CDH12: variants seen among roughly 807,000 people sequenced by gnomAD.
CDH12 encodes cadherin-12.
CDH12 carries 41 observed loss-of-function variants against 74.1 expected under a neutral mutation model. The ratio of observed to expected loss-of-function variants is 0.55; its 90% CI spans 0.43 to 0.72. The LOEUF is 0.72. Among genes scored for constraint, CDH12 ranks in the 30% least tolerant of loss-of-function variants. The pLI is 0.00. For synonymous variants in CDH12, 399 were observed against 355.0 expected (o/e 1.12, Z -1.39); for missense variants, 945 against 977.2 (o/e 0.97, Z 0.44).
At chr5:22,289,115 G>T (rs1737277804) in intron 3 of CDH12, among the ~76,000 whole-genome samples, 1 of 152,078 alleles carries the variant, frequency 6.6e-6, no homozygotes, top group Non-Finnish European at 1.5e-5. Flanking sequence ...AAGGAATAAA[G>T]AAAGGGAAAA....
chr5:22,074,716 T>C (rs1742186440), intron 5 of CDH12, among the ~76,000 whole-genome samples: 1 of 152,004 alleles, frequency 6.6e-6, no homozygotes, highest in Non-Finnish European at 1.5e-5. Context: ...AAAATGCTCA[T>C]CATCACTGGC....
At chr5:22,365,569 A>G (rs1009161482) in intron 3 of CDH12, among the ~76,000 whole-genome samples, 2 of 152,216 alleles carry the variant, frequency 1.3e-5, no homozygotes, top group Non-Finnish European at 2.9e-5. Context: ...TGTGAGCAAA[A>G]TGGAATGAAA....
chr5:22,489,504 T>C (rs1267251954), intron 2 of CDH12, among the ~76,000 whole-genome samples: 3 of 152,094 alleles, frequency 2.0e-5, no homozygotes, highest in African/African-American at 7.2e-5. Flanking sequence ...ATCTTTCTAC[T>C]GTTGGCATGA....
chr5:22,716,652 C>A (rs1420302507), intron 1 of CDH12, among the ~76,000 whole-genome samples: 1 of 151,386 alleles, frequency 6.6e-6, no homozygotes, highest in African/African-American at 2.4e-5. Flanking sequence ...GTCTCAGGTC[C>A]TTCGGGAGGT....
intron 1 of CDH12, among the ~76,000 whole-genome samples, chr5:22,785,526 A>G (rs1485158187): frequency 1.3e-5 from 2 of 151,644 alleles, no homozygotes; most frequent in Non-Finnish European, 2.9e-5. Flanking sequence ...TTTTTGTTTT[A>G]TTTATTTATT....
chr5:22,801,007 C>A (rs1055744913), intron 1 of CDH12, among the ~76,000 whole-genome samples: 2 of 152,136 alleles, frequency 1.3e-5, no homozygotes, highest in East Asian at 1.9e-4. Flanking sequence ...CCATAAAAAA[C>A]CATGTGCTGC....
intron 6 of CDH12, among the ~76,000 whole-genome samples, chr5:21,864,166 C>T (rs1751204280): frequency 6.6e-6 from 1 of 151,098 alleles, no homozygotes; most frequent in African/African-American, 2.4e-5. Flanking sequence ...TAAGATGCTA[C>T]AAAGGAATGG....
At chr5:22,142,466 T>G (rs1746867433) in intron 4 of CDH12, 2 of 607,482 alleles carry the variant, frequency 3.3e-6, no homozygotes, top group Non-Finnish European at 6.4e-6. Flanking sequence ...ACTAGAAGGA[T>G]CTGTAGCTTT....
chr5:22,316,998 C>T (rs922374973), intron 3 of CDH12, among the ~76,000 whole-genome samples: 1 of 152,090 alleles, frequency 6.6e-6, no homozygotes, highest in African/African-American at 2.4e-5. Flanking sequence ...AAATGTACCA[C>T]TTTAAAGACA....
At chr5:22,834,720 T>C (rs1304236967) in intron 1 of CDH12, among the ~76,000 whole-genome samples, 1 of 152,162 alleles carries the variant, frequency 6.6e-6, no homozygotes, top group Admixed American at 6.6e-5. Context: ...CAACTATCTA[T>C]CATAACAAAT....
At chr5:22,107,262 G>C (rs1271020109) in intron 4 of CDH12, among the ~76,000 whole-genome samples, 2 of 151,472 alleles carry the variant, frequency 1.3e-5, no homozygotes, top group Non-Finnish European at 2.9e-5. Flanking sequence ...CCTCTGGAGA[G>C]CTGGGATTAT....
At chr5:22,329,022 C>G (rs191157150) in intron 3 of CDH12, among the ~76,000 whole-genome samples, 13 of 152,066 alleles carry the variant, frequency 8.5e-5, no homozygotes, top group African/African-American at 3.1e-4. Context: ...ATAAACAAGA[C>G]AAGAGAAGAG....
intron 2 of CDH12, among the ~76,000 whole-genome samples, chr5:22,405,855 A>G (rs1742917171): frequency 6.6e-6 from 1 of 152,172 alleles, no homozygotes; most frequent in Non-Finnish European, 1.5e-5. Flanking sequence ...TTCCTAATAT[A>G]AAATGGCATA....
intron 6 of CDH12, among the ~76,000 whole-genome samples, chr5:21,891,560 T>TACACACACACAC (rs1305461373): frequency 1.0e-4 from 7 of 68,968 alleles, no homozygotes; most frequent in East Asian, 3.3e-4. Flanking sequence ...TTCCTGTGAA[T>TACACACACACAC]ACACACACAC....
At chr5:21,858,492 T>C (rs1310310305) in intron 6 of CDH12, among the ~76,000 whole-genome samples, 1 of 151,960 alleles carries the variant, frequency 6.6e-6, no homozygotes, top group East Asian at 1.9e-4. Flanking sequence ...ACATATAATA[T>C]CTTATATGGT....
chr5:21,811,157 G>A (rs1020561669), intron 9 of CDH12, among the ~76,000 whole-genome samples: 8 of 151,986 alleles, frequency 5.3e-5, no homozygotes, highest in Admixed American at 5.3e-4. Context: ...ATATTGCCAA[G>A]TAACATCAAA....
chr5:21,878,638 A>C (rs1300794756), intron 6 of CDH12, among the ~76,000 whole-genome samples: 3 of 151,118 alleles, frequency 2.0e-5, no homozygotes, highest in Non-Finnish European at 4.4e-5. Context: ...GCTACTTGGG[A>C]AGATGAGGTG....
chr5:21,948,957 T>C (rs1755702278), intron 6 of CDH12, among the ~76,000 whole-genome samples: 1 of 151,618 alleles, frequency 6.6e-6, no homozygotes, highest in Non-Finnish European at 1.5e-5. Context: ...AGAAGATGAC[T>C]GCTTCCCATT....
intron 8 of CDH12, among the ~76,000 whole-genome samples, chr5:21,822,602 C>CATACAGTGAA (rs1748433177): frequency 6.6e-6 from 1 of 152,046 alleles, no homozygotes; most frequent in South Asian, 2.1e-4. Flanking sequence ...GCATACTAAA[C>CATACAGTGAA]ATACAGTGAA....
Sources: gnomAD v4.1 joint callset for allele counts (sites outside exome capture counted in the v4.1 genomes callset) on GRCh38, gnomAD v4.1.1 for gene constraint, MANE v1.5 for transcripts, NCBI Gene and HGNC (gene_info 2026-07-23, HGNC 2026-07-21) for gene names.